Variants in ULK4 observed in about 807,000 individuals in gnomAD.
ULK4 encodes unc-51 like kinase 4, also known as inactive serine/threonine-protein kinase ULK4.
In ULK4, 133 loss-of-function variants were observed where a neutral mutation model predicts 160.6. That is an observed-to-expected ratio of 0.83 (90% CI 0.72 to 0.96). The LOEUF (loss-of-function observed/expected upper bound fraction) is 0.96, where lower values mean the gene tolerates loss of function less well. Ranked by LOEUF, ULK4 falls within the 40% of genes least tolerant of loss-of-function variation. The pLI is 0.00. For missense variants in ULK4, 1,580 were observed against 1,499.5 expected, an observed-to-expected ratio of 1.05 and a Z score of -0.89; for synonymous variants, 534 against 539.8, an observed-to-expected ratio of 0.99 and a Z score of 0.15.
intron 5 of ULK4, among the ~76,000 whole-genome samples, chr3:41,927,738 A>C (rs1716986): frequency 0.96 from 144,377 of 150,202 alleles, 69,674 homozygotes; most frequent in East Asian, 1. Flanking sequence ...TTTAAACACA[A>C]AAAATCAAAA....
chr3:41,677,451 C>T (rs1045972017), intron 29 of ULK4, among the ~76,000 whole-genome samples: 1 of 151,806 alleles, frequency 6.6e-6, no homozygotes, highest in Non-Finnish European at 1.5e-5. Context: ...CCTGCCTCAG[C>T]CTCCCGAGTA....
intron 18 of ULK4, among the ~76,000 whole-genome samples, chr3:41,833,357 G>A (rs1198729311): frequency 4.6e-5 from 7 of 151,034 alleles, no homozygotes; most frequent in South Asian, 2.1e-4. Flanking sequence ...GGGCAGTGGC[G>A]CAATCTCGGC....
intron 19 of ULK4, among the ~76,000 whole-genome samples, chr3:41,817,066 C>CTGTGTGTG (rs55996693): frequency 2.2e-3 from 327 of 148,970 alleles, no homozygotes; most frequent in African/African-American, 7.5e-3. Context: ...TGTGGGGAAA[C>CTGTGTGTG]TGTGTGTGTG....
At position 41,438,108 on chromosome 3, in the gene ULK4, TAAAAA is replaced by T. The variant is rs11457444; in HGVS notation, c.3492+17384_3492+17388del. ...GTTTTTTAAAATACATGTTTATTGT[TAAAAA>T]AAAAAAAAAAAAAGCAGGGTCAGGA... On this transcript the variant is annotated intron_variant, in intron 34 of 36. Coordinates refer to ENST00000301831, the MANE Select transcript of ULK4 (RefSeq NM_017886.4). 5.7e-5 allele frequency among the ~76,000 whole-genome samples: 7 copies of T among 122,918 alleles called. No homozygotes were observed. In the East Asian group the frequency reaches 1.6e-3, roughly 28 times the overall value. 80.6% of individuals were successfully genotyped at this position (122,918 alleles called of 152,430 possible).
At chr3:41,554,784 T>G (rs1043156127) in intron 32 of ULK4, among the ~76,000 whole-genome samples, 6 of 152,190 alleles carry the variant, frequency 3.9e-5, no homozygotes, top group African/African-American at 1.4e-4. Context: ...ACACATTCTA[T>G]GTATCAAAAT....
chr3:41,697,953 AT>A (rs1199564256), intron 27 of ULK4, among the ~76,000 whole-genome samples: 1 of 152,192 alleles, frequency 6.6e-6, no homozygotes, highest in Non-Finnish European at 1.5e-5. Context: ...TAAATATCTT[AT>A]AAAGGTGTAA....
At chr3:41,397,820 C>A (rs2082094270) in intron 35 of ULK4, among the ~76,000 whole-genome samples, 2 of 152,086 alleles carry the variant, frequency 1.3e-5, no homozygotes, top group Admixed American at 6.6e-5. Flanking sequence ...GAAATACAAA[C>A]TTAGATGTTA....
intron 29 of ULK4, among the ~76,000 whole-genome samples, chr3:41,680,924 T>C (rs1362519471): frequency 6.6e-6 from 1 of 152,206 alleles, no homozygotes; most frequent in Non-Finnish European, 1.5e-5. Context: ...TAAGGTGAGA[T>C]TTTAGGGTTT....
At chr3:41,821,401 C>T (rs531528116) in intron 18 of ULK4, among the ~76,000 whole-genome samples, 15 of 152,206 alleles carry the variant, frequency 9.9e-5, no homozygotes, top group East Asian at 3.9e-4. Context: ...AAAGCTATGA[C>T]GCTCCCACCA....
intron 11 of ULK4, among the ~76,000 whole-genome samples, chr3:41,909,427 TG>T (rs1192867377): frequency 2.6e-5 from 4 of 152,048 alleles, no homozygotes; most frequent in African/African-American, 9.7e-5. Flanking sequence ...ATGTATAAAA[TG>T]GGGCAGGCAC....
intron 31 of ULK4, among the ~76,000 whole-genome samples, chr3:41,595,909 A>C (rs1043163888): frequency 6.6e-6 from 1 of 152,216 alleles, no homozygotes; most frequent in African/African-American, 2.4e-5. Context: ...GATCAGAGAA[A>C]TGAAGGAATA....
In ULK4 at chr3:41,350,544, C is replaced by T. The variant is rs144877492; in HGVS notation, c.3678+47535G>A. Among the ~76,000 whole-genome samples the T allele has an allele frequency of 3.6e-3, 546 of 152,236 alleles. 3 individuals are homozygous for T. Among genetic ancestry groups the T allele is most frequent in the African/African-American group, 0.012 (514 of 41,538 alleles). On this transcript the variant is annotated intron_variant, in intron 35 of 36. Coordinates refer to ENST00000301831, the MANE Select transcript of ULK4 (RefSeq NM_017886.4). The stretch of plus-strand genomic sequence containing the variant: ...GAAATTGTGGTTTACTGTTTGACAG[C>T]CAGGAGTGTGTGGGTGTGTTTTAAT...
At chr3:41,879,458 A>T (rs992470488) in intron 17 of ULK4, among the ~76,000 whole-genome samples, 4 of 152,054 alleles carry the variant, frequency 2.6e-5, no homozygotes, top group Non-Finnish European at 5.9e-5. Flanking sequence ...TCATTACTCT[A>T]GCCTCTCTAC....
chr3:41,664,865 GT>G (rs1364929930), intron 29 of ULK4, among the ~76,000 whole-genome samples: 1 of 152,080 alleles, frequency 6.6e-6, no homozygotes, highest in African/African-American at 2.4e-5. Flanking sequence ...AACTCAAAAT[GT>G]TTTCATCACA....
At chr3:41,408,851 T>C (rs1390936710) in intron 34 of ULK4, among the ~76,000 whole-genome samples, 1 of 152,148 alleles carries the variant, frequency 6.6e-6, no homozygotes, top group African/African-American at 2.4e-5. Context: ...GACAATTCAA[T>C]AGAGGGAAAA....
chr3:41,460,301 G>A (rs1317771545), intron 33 of ULK4, among the ~76,000 whole-genome samples: 2 of 152,184 alleles, frequency 1.3e-5, no homozygotes, highest in African/African-American at 4.8e-5. Context: ...AAAGTCAGGT[G>A]ACCTGAATTA....
chr3:41,274,967 G>A (rs1051394527), intron 35 of ULK4, among the ~76,000 whole-genome samples: 2 of 152,120 alleles, frequency 1.3e-5, no homozygotes, highest in Non-Finnish European at 2.9e-5. Context: ...ATGATTCTAT[G>A]TGGGAATGCC....
chr3:41,638,871 G>A (rs1486814920), intron 30 of ULK4, among the ~76,000 whole-genome samples: 4 of 152,214 alleles, frequency 2.6e-5, no homozygotes, highest in African/African-American at 9.7e-5. Flanking sequence ...CCAGTGGCAG[G>A]TGTATGCAAT....
intron 31 of ULK4, among the ~76,000 whole-genome samples, chr3:41,599,304 T>G (rs950617440): frequency 9.8e-5 from 15 of 152,294 alleles, no homozygotes; most frequent in African/African-American, 3.6e-4. Context: ...AGGATGAGGA[T>G]AATCTTATAT....
Sources: gnomAD v4.1 joint callset for allele counts (sites outside exome capture counted in the v4.1 genomes callset) on GRCh38, gnomAD v4.1.1 for gene constraint, MANE v1.5 for transcripts, NCBI Gene and HGNC (gene_info 2026-07-23, HGNC 2026-07-21) for gene names.